The following RNF32 variants were observed in gnomAD, a reference collection of about 807,000 sequenced individuals.
RNF32 encodes ring finger protein 32.
Under a neutral mutation model 41.0 loss-of-function variants are expected in RNF32, and 36 were observed. The ratio of observed to expected loss-of-function variants is 0.88; its 90% CI spans 0.67 to 1.16. The LOEUF (loss-of-function observed/expected upper bound fraction) is 1.16. Among genes scored for constraint, RNF32 ranks in the 50% most tolerant of loss-of-function variants. The pLI is 0.00. For missense variants in RNF32, 413 were observed against 436.7 expected, an observed-to-expected ratio of 0.95 and a Z score of 0.48; for synonymous variants, 154 against 160.9, an observed-to-expected ratio of 0.96 and a Z score of 0.32.
intron 3 of RNF32, among the ~76,000 whole-genome samples, chr7:156,653,586 G>A (rs1187692216): frequency 6.6e-6 from 1 of 152,168 alleles, no homozygotes; most frequent in African/African-American, 2.4e-5. Context: ...CATTTCTGAA[G>A]ATATCCTTGT....
chr7:156,646,038 T>C (rs373711528), intron 3 of RNF32, among the ~76,000 whole-genome samples: 1 of 152,370 alleles, frequency 6.6e-6, no homozygotes, highest in East Asian at 1.9e-4. Flanking sequence ...GTGGGATGCA[T>C]ATAGCATGCA....
intron 4 of RNF32, 137 bp from the exon 5 acceptor site, chr7:156,657,404 A>G (rs1231089180): frequency 5.1e-6 from 4 of 785,436 alleles, no homozygotes; most frequent in East Asian, 2.6e-5. Flanking sequence ...AATAAATAGT[A>G]TAAATATCAA....
intron 2 of RNF32, 152 bp downstream of exon 2, chr7:156,644,044 G>A (rs1257662204): frequency 4.5e-6 from 3 of 668,764 alleles, no homozygotes; most frequent in South Asian, 1.8e-5. Flanking sequence ...GCATGGGGCA[G>A]TGGACAAGCC....
At chr7:156,649,671 C>G (rs774639248) in intron 3 of RNF32, among the ~76,000 whole-genome samples, 1 of 151,972 alleles carries the variant, frequency 6.6e-6, no homozygotes, top group Non-Finnish European at 1.5e-5. Context: ...TTTAGATGAG[C>G]GTGTTTGTTG....
In RNF32 at chr7:156,643,797, G is replaced by A. The variant is rs1797666045; in HGVS notation, c.-77-4G>A. 1 of 1,303,522 alleles carries A rather than the reference G, an allele frequency of 7.7e-7. No homozygotes were observed. The highest frequency in any genetic ancestry group is 1.1e-6 in the Non-Finnish European group (1 of 901,720). 80.7% of individuals were successfully genotyped at this position (1,303,522 alleles called of 1,614,324 possible). On this transcript the variant is annotated splice_polypyrimidine_tract_variant and splice_region_variant and intron_variant, in intron 1 of 8. Coordinates refer to ENST00000317955, the MANE Select transcript of RNF32 (RefSeq NM_030936.4). The stretch of plus-strand genomic sequence containing the variant: ...TTGACTTTCTGTTGACCACGTCTTT[G>A]CAGCAGAAGAATAGAAGGAAGGTGA...
chr7:156,649,717 T>C (rs750114987), intron 3 of RNF32, among the ~76,000 whole-genome samples: 24 of 152,210 alleles, frequency 1.6e-4, no homozygotes, highest in Non-Finnish European at 3.2e-4. Flanking sequence ...TGCCGTAAAT[T>C]ACAGTGACAG....
At position 156,676,900 on chromosome 7, in the gene RNF32, A is replaced by T; in HGVS notation, c.*245A>T. 1.1e-5 allele frequency: 5 copies of T among 454,650 alleles called. No individual in the cohort carries two copies. The highest frequency in any genetic ancestry group is 8.7e-5 in the South Asian group (3 of 34,456). 28.2% of individuals were successfully genotyped at this position (454,650 alleles called of 1,614,324 possible). ...ATCACTTCAAATATGAATAGCAAAA[A>T]ATGAGAGCTTGCTTACTTCTAAAAA... On this transcript the variant is annotated 3_prime_UTR_variant, in exon 9 of 9. Coordinates refer to ENST00000317955, the MANE Select transcript of RNF32 (RefSeq NM_030936.4).
intron 1 of RNF32, among the ~76,000 whole-genome samples, chr7:156,641,191 G>A (rs933456396): frequency 3.3e-5 from 5 of 152,218 alleles, no homozygotes; most frequent in Non-Finnish European, 4.4e-5. Context: ...TCCTGCATGA[G>A]TGGAACCTCA....
At chr7:156,646,307 G>A in intron 3 of RNF32, 2 of 732,532 alleles carry the variant, frequency 2.7e-6, no homozygotes, top group South Asian at 3.5e-5. Context: ...TGTTGGCAGG[G>A]TTCTACAGAA....
intron 7 of RNF32, among the ~76,000 whole-genome samples, chr7:156,663,724 T>C (rs1371795065): frequency 1.3e-5 from 2 of 152,126 alleles, no homozygotes; most frequent in Admixed American, 1.3e-4. Flanking sequence ...TGGGGAATAA[T>C]AGACAAACAA....
At chr7:156,672,070 A>C (rs1188937455) in intron 7 of RNF32, among the ~76,000 whole-genome samples, 1 of 152,150 alleles carries the variant, frequency 6.6e-6, no homozygotes, top group Non-Finnish European at 1.5e-5. Flanking sequence ...GTGTGGAATT[A>C]GTTTGTGATT....
At chr7:156,640,441 C>T, upstream of RNF32, 1 of 380,766 alleles carries the variant, frequency 2.6e-6, no homozygotes, top group Non-Finnish European at 5.1e-6. Flanking sequence ...GGCCTGGGCG[C>T]CTGCACGCCC....
At chr7:156,675,450 G>A (rs1803661388) in intron 7 of RNF32, among the ~76,000 whole-genome samples, 1 of 152,196 alleles carries the variant, frequency 6.6e-6, no homozygotes, top group South Asian at 2.1e-4. Context: ...TATTCAGTAT[G>A]CCAAGGTGCC....
rs760623812 is a variant in RNF32, at chr7:156,675,686, T to G, written c.685-10T>G. 1.9e-4 allele frequency: 234 copies of G among 1,219,512 alleles called. No homozygotes were observed. The highest frequency in any genetic ancestry group is 2.6e-4 in the Non-Finnish European group (215 of 836,316). 75.5% of individuals were successfully genotyped at this position (1,219,512 alleles called of 1,614,324 possible). ...AGGTGTGAGCTTACCCGCCCCCGCC[T>G]CCTCCTCAGTTCACAGAAATCAGCC... is the stretch of plus-strand genomic sequence containing the variant. On this transcript the variant is annotated splice_polypyrimidine_tract_variant and intron_variant, in intron 7 of 8. Transcript: ENST00000317955.
chr7:156,673,860 G>A (rs957367360), intron 7 of RNF32, among the ~76,000 whole-genome samples: 3 of 151,162 alleles, frequency 2.0e-5, no homozygotes, highest in Non-Finnish European at 4.4e-5. Flanking sequence ...TCAGAAGTCT[G>A]GTGATTTAAA....
At chr7:156,652,468 C>T (rs977976435) in intron 3 of RNF32, among the ~76,000 whole-genome samples, 4 of 151,832 alleles carry the variant, frequency 2.6e-5, no homozygotes, top group East Asian at 1.9e-4. Flanking sequence ...ACACCTAGAC[C>T]GGTCCCTTGA....
rs746230877 is a variant in RNF32, at chr7:156,644,740, C to T, written c.257C>T (p.Pro86Leu). 45 of 1,608,032 alleles carry T rather than the reference C, an allele frequency of 2.8e-5. No homozygotes were observed. Among genetic ancestry groups the T allele is most frequent in the African/African-American group, 6.7e-5 (5 of 74,308 alleles). ...AAAGAATATGTTCTTGATCCCAAAC[C>T]GCCGCCGTTGACTTTGGGTAAGCTG... ...SEKEYVLDPK[P>L]PPLTLAQKLG... The change falls in exon 3 of 9, where the codon CCG becomes CTG. Residue 86 changes from proline to leucine, a missense_variant. By Grantham distance (98) the Pro-to-Leu change is moderately conservative. Transcript: ENST00000317955.
intron 7 of RNF32, chr7:156,659,973 A>T: frequency 1.0e-6 from 1 of 985,458 alleles, no homozygotes; most frequent in Non-Finnish European, 1.2e-6. Context: ...AGAGAGATGG[A>T]ACTTTACAAG....
At chr7:156,653,980 T>A (rs1262969433) in intron 3 of RNF32, among the ~76,000 whole-genome samples, 2 of 152,180 alleles carry the variant, frequency 1.3e-5, no homozygotes, top group Non-Finnish European at 2.9e-5. Flanking sequence ...TTTTCTTTCA[T>A]AAACTTGGAT....
Sources: allele counts gnomAD v4.1 joint callset (sites outside exome capture counted in the v4.1 genomes callset), GRCh38; gene constraint gnomAD v4.1.1; transcripts MANE v1.5; gene names NCBI Gene and HGNC (gene_info 2026-07-23, HGNC 2026-07-21).